The following TJP2 variants were observed in gnomAD, a reference collection of about 807,000 sequenced individuals.
The protein encoded by TJP2 is Friedreich ataxia region gene X104 (tight junction protein ZO-2).
Under a neutral mutation model 133.1 loss-of-function variants are expected in TJP2, and 91 were observed. The observed-to-expected ratio is 0.68, with a 90% CI of 0.58 to 0.81. TJP2 has a LOEUF of 0.81. Among genes scored for constraint, TJP2 ranks in the 40% least tolerant of loss-of-function variants. TJP2 has a pLI of 0.00. For missense variants in TJP2, 1,541 were observed against 1,565.6 expected (o/e 0.98, Z 0.26); for synonymous variants, 592 against 583.4 (o/e 1.01, Z -0.21).
intron 1 of TJP2, among the ~76,000 whole-genome samples, chr9:69,180,900 C>T (rs1825446898): frequency 1.3e-5 from 2 of 152,162 alleles, no homozygotes; most frequent in African/African-American, 4.8e-5. Context: ...CCCATCAGCC[C>T]TGAGCCCCTC....
chr9:69,148,395 G>A (rs760823034), intron 1 of TJP2, among the ~76,000 whole-genome samples: 3 of 138,648 alleles, frequency 2.2e-5, no homozygotes, highest in African/African-American at 8.1e-5. Context: ...TTTTTGAGAC[G>A]GAGTCACACT....
intron 1 of TJP2, among the ~76,000 whole-genome samples, chr9:69,188,909 T>C (rs1016334260): frequency 3.9e-5 from 6 of 152,194 alleles, no homozygotes; most frequent in Admixed American, 1.3e-4. Flanking sequence ...TACAAACTCC[T>C]GGGTTATAGA....
chr9:69,176,988 G>A (rs1340063227), intron 1 of TJP2, among the ~76,000 whole-genome samples: 1 of 152,188 alleles, frequency 6.6e-6, no homozygotes, highest in African/African-American at 2.4e-5. Flanking sequence ...GGGTGAAGCG[G>A]TAGAAGGGTT....
chr9:69,247,348 G>GA (rs1830999574), intron 18 of TJP2, among the ~76,000 whole-genome samples: 1 of 152,196 alleles, frequency 6.6e-6, no homozygotes, highest in South Asian at 2.1e-4. Context: ...CTGCAGGGAG[G>GA]AGAGAGGGAG....
chr9:69,225,461 C>T (rs1829272313), intron 6 of TJP2, 54 bp downstream of exon 6: 3 of 1,166,496 alleles, frequency 2.6e-6, no homozygotes, highest in African/African-American at 1.5e-5. Context: ...TCATCGCCTG[C>T]ATGTCCACAT....
intron 17 of TJP2, chr9:69,246,450 C>G: frequency 2.1e-6 from 1 of 487,450 alleles, no homozygotes; most frequent in Admixed American, 3.3e-5. Flanking sequence ...AATAAACATT[C>G]TAAAAATCTA....
chr9:69,194,055 A>G (rs1826384954), intron 1 of TJP2, among the ~76,000 whole-genome samples: 1 of 152,214 alleles, frequency 6.6e-6, no homozygotes, highest in Admixed American at 6.5e-5. Context: ...GGTTTAAAAT[A>G]AAATTATTGT....
At chr9:69,222,402 G>A (rs1185890076) in intron 5 of TJP2, among the ~76,000 whole-genome samples, 1 of 152,004 alleles carries the variant, frequency 6.6e-6, no homozygotes, top group African/African-American at 2.4e-5. Context: ...CTGACCTCAG[G>A]TGATCTGCCC....
At chr9:69,204,157 C>A (rs1827217198) in intron 1 of TJP2, among the ~76,000 whole-genome samples, 1 of 152,150 alleles carries the variant, frequency 6.6e-6, no homozygotes, top group Non-Finnish European at 1.5e-5. Context: ...AGTGACAGGA[C>A]AAGGATCTCA....
At position 69,249,479 on chromosome 9, in the gene TJP2, G is replaced by T; in HGVS notation, c.2985G>T (p.Pro995=). The T allele has an allele frequency of 6.2e-7, 1 of 1,603,780 alleles. No individual in the cohort carries two copies. Among genetic ancestry groups the T allele is most frequent in the Non-Finnish European group, 8.5e-7 (1 of 1,174,272 alleles). The change falls in exon 20 of 23, where the codon CCG becomes CCT. Residue 995 remains proline, a synonymous_variant. Coordinates refer to ENST00000377245, the MANE Select transcript of TJP2 (RefSeq NM_004817.4). ...NSPPPAFKPE[P]PKAKTQNKEE... is the part of the protein sequence containing the mutation. Reference sequence around the variant, plus strand: ...CGCCCCCAGCATTCAAGCCAGAGCCGCCCAAGGTACGTGGCTGGGAAGCCC... The same window carrying T: ...CGCCCCCAGCATTCAAGCCAGAGCCTCCCAAGGTACGTGGCTGGGAAGCCC...
chr9:69,216,547 T>G (rs1180381663), intron 3 of TJP2, 84 bp downstream of exon 3: 1 of 1,468,154 alleles, frequency 6.8e-7, no homozygotes, highest in African/African-American at 1.4e-5. Flanking sequence ...GTCCACTTTA[T>G]TTAAAAAAAA....
chr9:69,232,634 G>A (rs750590326), intron 11 of TJP2, among the ~76,000 whole-genome samples: 2 of 152,178 alleles, frequency 1.3e-5, no homozygotes, highest in Non-Finnish European at 2.9e-5. Context: ...CTAATGTGTG[G>A]AATGAAGACG....
intron 1 of TJP2, chr9:69,205,025 C>T: frequency 7.0e-7 from 1 of 1,424,140 alleles, no homozygotes; most frequent in Non-Finnish European, 9.2e-7. Flanking sequence ...GGATGTGTCA[C>T]TGTGTGAGAT....
At chr9:69,206,356 T>C (rs1191325860) in intron 1 of TJP2, among the ~76,000 whole-genome samples, 2 of 152,054 alleles carry the variant, frequency 1.3e-5, no homozygotes, top group African/African-American at 2.4e-5. Flanking sequence ...TGCTTTACCC[T>C]CTTTGCCCCT....
At chr9:69,236,712 G>A (rs1010729765) in intron 13 of TJP2, among the ~76,000 whole-genome samples, 2 of 152,100 alleles carry the variant, frequency 1.3e-5, no homozygotes, top group African/African-American at 4.8e-5. Flanking sequence ...ATCAGAATGG[G>A]CCAAATTTCA....
intron 2 of TJP2, among the ~76,000 whole-genome samples, chr9:69,166,132 A>T (rs2132879930): frequency 6.6e-6 from 1 of 151,044 alleles, no homozygotes; most frequent in Non-Finnish European, 1.5e-5. Context: ...TTTTTTTTTG[A>T]GGCAGGGTCT....
Position 69,221,233 on chromosome 9 carries a change from G to A in TJP2, c.689G>A (p.Gly230Glu). The A allele has an allele frequency of 2.5e-6, 4 of 1,606,556 alleles. No homozygotes were observed. Among genetic ancestry groups the A allele is most frequent in the Non-Finnish European group, 3.4e-6 (4 of 1,176,882 alleles). ...GAGCGGGGCCTGGACCACGACTTTG[G>A]GCCATCCCGGGACCGGGACCGTGAC... ...SLERGLDHDF[G>E]PSRDRDRDRS... is the part of the protein sequence containing the mutation. Residue 230 changes from glycine to glutamate, a missense_variant, in exon 5 of 23, where the codon GGG (glycine) becomes GAG (glutamate). Transcript: ENST00000377245.
intron 2 of TJP2, 38 bp from the exon 3 acceptor site, chr9:69,216,301 T>A (rs779181250): frequency 1.2e-6 from 2 of 1,613,488 alleles, no homozygotes. Context: ...AAGCCACTTA[T>A]TGAAGGATTT....
chr9:69,173,965 G>C, upstream of TJP2: 6 of 985,306 alleles, frequency 6.1e-6, no homozygotes, highest in Non-Finnish European at 7.2e-6. Flanking sequence ...GGGGGTGGAG[G>C]GGTGCAGGCG....
Sources: gnomAD v4.1 joint callset for allele counts (sites outside exome capture counted in the v4.1 genomes callset) on GRCh38, gnomAD v4.1.1 for gene constraint, MANE v1.5 for transcripts, NCBI Gene and HGNC (gene_info 2026-07-23, HGNC 2026-07-21) for gene names.